The following VRK1 variants were observed in gnomAD, a reference collection of about 807,000 sequenced individuals.
The protein encoded by VRK1 is VRK serine/threonine kinase 1.
A neutral mutation model predicts 57.1 loss-of-function variants in VRK1; 33 were observed. That is an observed-to-expected ratio of 0.58 (90% CI 0.44 to 0.77). The LOEUF (loss-of-function observed/expected upper bound fraction) is 0.77. Among genes scored for constraint, VRK1 ranks in the 30% least tolerant of loss-of-function variants. The pLI is 0.00. For missense variants in VRK1, 413 were observed against 477.3 expected (o/e 0.87, Z 1.25); for synonymous variants, 137 against 147.8 (o/e 0.93, Z 0.53).
rs1251234541 is a variant in VRK1 at position 96,881,170 on chromosome 14, C to A, written c.1160-7C>A. 1 of 1,597,592 alleles carries A rather than the reference C, an allele frequency of 6.3e-7. No homozygotes were observed. Among genetic ancestry groups the A allele is most frequent in the East Asian group, 2.3e-5 (1 of 44,242 alleles). On this transcript the variant is annotated splice_region_variant and splice_polypyrimidine_tract_variant and intron_variant, in intron 12 of 12. Transcript: ENST00000216639. ...AGTGATTTCAGTTTCTTTGATTTTT[C>A]TTCAAGGTTCAAGAACCAGAAAGAG...
intron 1 of VRK1, among the ~76,000 whole-genome samples, 156 bp downstream of exon 1, chr14:96,797,603 G>A (rs531339771): frequency 5.9e-5 from 9 of 151,988 alleles, no homozygotes; most frequent in Non-Finnish European, 8.8e-5. Context: ...CGCCCCGCGG[G>A]ACCGCGCTCC....
At chr14:96,876,254 G>A (rs932503204) in intron 12 of VRK1, 134 bp downstream of exon 12, 2 of 790,426 alleles carry the variant, frequency 2.5e-6, no homozygotes, top group African/African-American at 3.4e-5. Context: ...TTTTTATATA[G>A]TATGTATTGT....
intron 10 of VRK1, among the ~76,000 whole-genome samples, chr14:96,858,724 C>CT (rs1404629174): frequency 2.0e-5 from 3 of 151,792 alleles, no homozygotes; most frequent in Non-Finnish European, 2.9e-5. Flanking sequence ...TCTGGACTCT[C>CT]TTTTTTCAAT....
chr14:96,876,190 G>A, intron 12 of VRK1, 70 bp downstream of exon 12: 3 of 1,434,084 alleles, frequency 2.1e-6, no homozygotes, highest in Non-Finnish European at 2.0e-6. Context: ...CATTAGATGA[G>A]GGGTCAACTA....
At chr14:96,849,468 C>T (rs532264107) in intron 5 of VRK1, among the ~76,000 whole-genome samples, 11 of 151,674 alleles carry the variant, frequency 7.3e-5, no homozygotes, top group Non-Finnish European at 1.0e-4. Flanking sequence ...AAACCAAGCA[C>T]GGTATATTGC....
At position 96,881,234 on chromosome 14, in the gene VRK1, TTTTC is replaced by T; in HGVS notation, c.*30_*33del. 6.3e-7 allele frequency: 1 copy of T among 1,578,050 alleles called. No homozygotes were observed. The highest frequency in any genetic ancestry group is 8.6e-7 in the Non-Finnish European group (1 of 1,158,404). On this transcript the variant is annotated 3_prime_UTR_variant, in exon 13 of 13. Coordinates refer to ENST00000216639, the MANE Select transcript of VRK1 (RefSeq NM_003384.3). ...TTCAGATGCTGTGAACCAGATTTCC[TTTTC>T]TTTGTTTTCTTTTGACTTTTTTCTC...
At chr14:96,805,811 G>C (rs536841299) in intron 1 of VRK1, among the ~76,000 whole-genome samples, 1 of 152,238 alleles carries the variant, frequency 6.6e-6, no homozygotes, top group East Asian at 1.9e-4. Context: ...AGTGTTAAAA[G>C]CTTTCATGCA....
At chr14:96,851,814 A>G (rs1887960972) in intron 5 of VRK1, among the ~76,000 whole-genome samples, 1 of 152,202 alleles carries the variant, frequency 6.6e-6, no homozygotes, top group Non-Finnish European at 1.5e-5. Context: ...TACTTTATAG[A>G]GTGATGTGAG....
intron 1 of VRK1, among the ~76,000 whole-genome samples, chr14:96,799,433 A>AT (rs1026183120): frequency 1.7e-4 from 26 of 151,654 alleles, no homozygotes; most frequent in East Asian, 3.9e-4. Context: ...TGACAGCTAT[A>AT]TTTTTTTTTC....
intron 11 of VRK1, among the ~76,000 whole-genome samples, chr14:96,867,273 G>GT (rs1396916986): frequency 1.3e-5 from 2 of 152,088 alleles, no homozygotes; most frequent in African/African-American, 2.4e-5. Flanking sequence ...AAAAATGTCT[G>GT]TTTTTTCCCC....
intron 3 of VRK1, among the ~76,000 whole-genome samples, chr14:96,842,663 G>A (rs1887512495): frequency 6.6e-6 from 1 of 152,188 alleles, no homozygotes; most frequent in African/African-American, 2.4e-5. Context: ...ACTTAATAAT[G>A]TAATAGCATA....
intron 11 of VRK1, among the ~76,000 whole-genome samples, chr14:96,863,667 A>G (rs1359509851): frequency 6.6e-6 from 1 of 152,190 alleles, no homozygotes; most frequent in Non-Finnish European, 1.5e-5. Flanking sequence ...CTCCCTATGA[A>G]TGATTATTCA....
chr14:96,881,189 G>T lies in VRK1; in HGVS notation c.1172G>T (p.Arg391Ile). The change falls in exon 13 of 13, where the codon AGA (arginine) becomes ATA (isoleucine). Residue 391 changes from arginine (R) to isoleucine (I), a missense_variant. By Grantham distance (97) the Arg-to-Ile change is moderately conservative. Transcript: ENST00000216639. The stretch of plus-strand genomic sequence containing the variant: ...ATTTTTCTTCAAGGTTCAAGAACCA[G>T]AAAGAGAGTCCAGAAGTAATTCAGA... Reference protein sequence around the residue: ...EEAIQTRSRTRKRVQK With the variant: ...EEAIQTRSRTIKRVQK The T allele has an allele frequency of 6.2e-7, 1 of 1,606,252 alleles. No homozygotes were observed. Among genetic ancestry groups the T allele is most frequent in the East Asian group, 2.2e-5 (1 of 44,626 alleles).
chr14:96,869,410 A>G (rs905445717), intron 11 of VRK1, among the ~76,000 whole-genome samples: 10 of 152,350 alleles, frequency 6.6e-5, no homozygotes, highest in African/African-American at 2.4e-4. Flanking sequence ...CAGTTTATGA[A>G]ACAGGGTATT....
At chr14:96,830,429 T>C (rs1886959698) in intron 1 of VRK1, among the ~76,000 whole-genome samples, 1 of 152,108 alleles carries the variant, frequency 6.6e-6, no homozygotes, top group Admixed American at 6.6e-5. Context: ...ATTAAAAAGT[T>C]TTATTTACTC....
chr14:96,850,547 G>A (rs552874912), intron 5 of VRK1, among the ~76,000 whole-genome samples: 1 of 152,294 alleles, frequency 6.6e-6, no homozygotes, highest in South Asian at 2.1e-4. Context: ...TAGGTATGGT[G>A]ACAAGATTAA....
At chr14:96,861,105 G>T (rs1888373194) in intron 11 of VRK1, among the ~76,000 whole-genome samples, 1 of 152,080 alleles carries the variant, frequency 6.6e-6, no homozygotes, top group African/African-American at 2.4e-5. Flanking sequence ...GTATTTACCA[G>T]TTGAAAACGG....
At chr14:96,870,981 T>G (rs1344209568) in intron 11 of VRK1, among the ~76,000 whole-genome samples, 3 of 152,296 alleles carry the variant, frequency 2.0e-5, no homozygotes, top group Admixed American at 6.5e-5. Context: ...AAAAAATGTG[T>G]TGCGCATGGA....
At chr14:96,816,316 A>G (rs1332026237) in intron 1 of VRK1, among the ~76,000 whole-genome samples, 2 of 152,166 alleles carry the variant, frequency 1.3e-5, no homozygotes, top group Non-Finnish European at 2.9e-5. Flanking sequence ...CCACTGTGCC[A>G]CCTACAAAAT....
Sources: gnomAD v4.1 joint callset for allele counts (sites outside exome capture counted in the v4.1 genomes callset) on GRCh38, gnomAD v4.1.1 for gene constraint, MANE v1.5 for transcripts, NCBI Gene and HGNC (gene_info 2026-07-23, HGNC 2026-07-21) for gene names.